The following MELK variants were observed in gnomAD, a reference collection of about 807,000 sequenced individuals.
The protein encoded by MELK is pEg3 kinase.
In MELK, 81 loss-of-function variants were observed where a neutral mutation model predicts 85.0. That is an observed-to-expected ratio of 0.95 (90% CI 0.80 to 1.15). MELK has a LOEUF of 1.15. MELK is among the 50% of genes most tolerant of loss of function. The pLI, the probability that MELK is intolerant of heterozygous loss-of-function variation, is 0.00. For missense variants in MELK, 754 were observed against 777.5 expected (o/e 0.97, Z 0.36); for synonymous variants, 252 against 265.0 (o/e 0.95, Z 0.48).
At chr9:36,621,302 A>AAC (rs1827412143) in intron 8 of MELK, among the ~76,000 whole-genome samples, 1 of 127,910 alleles carries the variant, frequency 7.8e-6, no homozygotes, top group Admixed American at 7.7e-5. Context: ...AAAAAAAAAA[A>AAC]AAAAAAAAAA....
At position 36,620,713 on chromosome 9, in the gene MELK, G is replaced by C. The variant is rs568723161; in HGVS notation, c.667-9586G>C. On this transcript the variant is annotated intron_variant, in intron 8 of 17. Coordinates refer to ENST00000298048, the MANE Select transcript of MELK (RefSeq NM_014791.4). ...CTACAGGTGCTCACCACCACACCCAGCTAATTTTTGTATTTTTAGTAGAGA... is the reference window on the plus strand; with the variant it reads ...CTACAGGTGCTCACCACCACACCCACCTAATTTTTGTATTTTTAGTAGAGA... Among the ~76,000 whole-genome samples the C allele has an allele frequency of 5.3e-5, 8 of 151,830 alleles. No individual in the cohort carries two copies. In the South Asian group the frequency reaches 1.0e-3, roughly 20 times the overall value.
chr9:36,655,454 GA>G (rs1232532922), intron 12 of MELK, among the ~76,000 whole-genome samples: 201 of 10,252 alleles, frequency 0.02, 1 homozygote, highest in Non-Finnish European at 0.15. Context: ...CAAGTAGGGG[GA>G]GAGAGAGAGA....
chr9:36,650,834 CA>C (rs1456418734), intron 11 of MELK, among the ~76,000 whole-genome samples: 1 of 152,178 alleles, frequency 6.6e-6, no homozygotes, highest in African/African-American at 2.4e-5. Flanking sequence ...GCAGAGGATG[CA>C]GACATCAGGT....
intron 8 of MELK, among the ~76,000 whole-genome samples, chr9:36,608,864 T>G (rs981998196): frequency 6.6e-6 from 1 of 152,222 alleles, no homozygotes; most frequent in Admixed American, 6.5e-5. Flanking sequence ...ATTACAGGCA[T>G]GAGCCACCGC....
intron 2 of MELK, among the ~76,000 whole-genome samples, chr9:36,583,242 G>GGAT (rs1245747964): frequency 1.3e-5 from 2 of 151,952 alleles, no homozygotes; most frequent in African/African-American, 4.8e-5. Flanking sequence ...CAAAGTGCTG[G>GGAT]GATTACAGGC....
chr9:36,662,065 A>G (rs1476120652), intron 13 of MELK, among the ~76,000 whole-genome samples: 1 of 151,402 alleles, frequency 6.6e-6, no homozygotes, highest in African/African-American at 2.4e-5. Flanking sequence ...TTTAGTTATT[A>G]TATATCTTTC....
At chr9:36,590,535 T>C (rs1165180013) in intron 4 of MELK, among the ~76,000 whole-genome samples, 2 of 152,154 alleles carry the variant, frequency 1.3e-5, no homozygotes, top group African/African-American at 2.4e-5. Flanking sequence ...CAAATGTCTC[T>C]CTTCTTAAAA....
At position 36,665,629 on chromosome 9, in the gene MELK, A is replaced by G. The variant is rs991336483; in HGVS notation, c.1408+48A>G. The stretch of plus-strand genomic sequence containing the variant: ...AGTAAGAAGTTTCATTTTTCTTACC[A>G]TGTTAAGTAAACATATAGCAGGTCA... On this transcript the variant is annotated intron_variant, in intron 14 of 17. Coordinates refer to ENST00000298048, the MANE Select transcript of MELK (RefSeq NM_014791.4). The G allele has an allele frequency of 2.1e-6, 3 of 1,431,948 alleles. No individual in the cohort carries two copies. In the African/African-American group the frequency reaches 4.3e-5, roughly 20 times the overall value. The allele number at this position is 1,431,948 out of a possible 1,614,324, so 88.7% of individuals were successfully genotyped here. A position where few individuals can be genotyped will look rare whatever the true frequency, so the allele number is the denominator to read the frequency against.
At chr9:36,577,639 G>A (rs1395743614) in intron 1 of MELK, among the ~76,000 whole-genome samples, 1 of 151,298 alleles carries the variant, frequency 6.6e-6, no homozygotes, top group African/African-American at 2.4e-5. Context: ...GCCTCGACTA[G>A]ATTTTAATTT....
chr9:36,626,536 T>C (rs747400294), intron 8 of MELK, among the ~76,000 whole-genome samples: 12 of 152,176 alleles, frequency 7.9e-5, no homozygotes, highest in Non-Finnish European at 1.8e-4. Context: ...GTGTATAGGC[T>C]CTGGAGAACT....
intron 8 of MELK, among the ~76,000 whole-genome samples, chr9:36,619,303 C>T (rs1827170851): frequency 6.6e-6 from 1 of 152,128 alleles, no homozygotes. Context: ...AGTATAATAC[C>T]TCTCAGCCAG....
intron 12 of MELK, 37 bp from the exon 13 acceptor site, chr9:36,657,204 C>T (rs375712294): frequency 1.6e-4 from 247 of 1,588,354 alleles, no homozygotes; most frequent in South Asian, 5.0e-4. Context: ...AATCATAGTA[C>T]TGTCATCTTT....
In MELK at chr9:36,646,140, C is replaced by G. The variant is rs1312760852; in HGVS notation, c.921+3057C>G. On this transcript the variant is annotated intron_variant, in intron 11 of 17. Transcript: ENST00000298048. ...GCACAGAAGAGCCCCTCACAACAAA[C>G]AGTTATCCAGGTCAGATGTCAATAG... 3.9e-5 allele frequency among the ~76,000 whole-genome samples: 6 copies of G among 152,288 alleles called. No homozygotes were observed. The South Asian group carries it at 1.0e-3, about 26-fold the overall frequency.
At chr9:36,666,029 G>T (rs531774878) in intron 14 of MELK, among the ~76,000 whole-genome samples, 1 of 152,168 alleles carries the variant, frequency 6.6e-6, no homozygotes, top group Non-Finnish European at 1.5e-5. Flanking sequence ...CAGTTGTGGT[G>T]TCTGGTCCTG....
At chr9:36,611,842 G>A (rs573268742) in intron 8 of MELK, among the ~76,000 whole-genome samples, 21 of 150,804 alleles carry the variant, frequency 1.4e-4, no homozygotes, top group Non-Finnish European at 2.2e-4. Flanking sequence ...GGTTAGATTC[G>A]GCTCACTGCA....
chr9:36,662,975 C>G (rs1419636531), intron 13 of MELK, among the ~76,000 whole-genome samples: 1 of 152,124 alleles, frequency 6.6e-6, no homozygotes, highest in Non-Finnish European at 1.5e-5. Flanking sequence ...GTATCCAGTT[C>G]ATGATTCATC....
At chr9:36,595,158 C>T (rs1428911013) in intron 5 of MELK, among the ~76,000 whole-genome samples, 3 of 146,088 alleles carry the variant, frequency 2.1e-5, no homozygotes, top group Non-Finnish European at 3.0e-5. Flanking sequence ...TTTTTGGAGA[C>T]GGAGTCTCAC....
chr9:36,584,946 T>G (rs1177315909), intron 3 of MELK, among the ~76,000 whole-genome samples: 1 of 152,168 alleles, frequency 6.6e-6, no homozygotes, highest in African/African-American at 2.4e-5. Flanking sequence ...CTCAAACTCC[T>G]GGCCTCAAGC....
intron 15 of MELK, among the ~76,000 whole-genome samples, chr9:36,670,177 T>C (rs1441785620): frequency 6.6e-6 from 1 of 152,200 alleles, no homozygotes; most frequent in Non-Finnish European, 1.5e-5. Flanking sequence ...TATCCGTTAG[T>C]ATTTGGTAAC....
Sources: gnomAD v4.1 joint callset for allele counts (sites outside exome capture counted in the v4.1 genomes callset) on GRCh38, gnomAD v4.1.1 for gene constraint, MANE v1.5 for transcripts, NCBI Gene and HGNC (gene_info 2026-07-23, HGNC 2026-07-21) for gene names.